Variants in IRF4 observed in about 807,000 individuals in gnomAD.
IRF4 encodes the protein lymphocyte-specific interferon regulatory factor.
IRF4 carries 13 observed loss-of-function variants against 55.5 expected under a neutral mutation model. The ratio of observed to expected loss-of-function variants is 0.23; its 90% CI spans 0.15 to 0.37. The LOEUF is 0.37. Among genes scored for constraint, IRF4 ranks in the 10% least tolerant of loss-of-function variants. IRF4 has a pLI of 1.00. For synonymous variants in IRF4, 249 were observed against 240.7 expected, an observed-to-expected ratio of 1.03 and a Z score of -0.32; for missense variants, 397 against 593.8, an observed-to-expected ratio of 0.67 and a Z score of 3.44.
In IRF4 at chr6:409,564, T is replaced by C. The variant is rs1382598286; in HGVS notation, c.*1966T>C. The stretch of plus-strand genomic sequence containing the variant: ...CTTGCTGTGGAGCTCCACTGCCATG[T>C]ACCCAGTAGGGTTTGACATTTCATT... On this transcript the variant is annotated 3_prime_UTR_variant, in exon 9 of 9. Coordinates refer to ENST00000380956, the MANE Select transcript of IRF4 (RefSeq NM_002460.4). 4.5e-6 allele frequency: 1 copy of C among 220,184 alleles called. No individual in the cohort carries two copies. The highest frequency in any genetic ancestry group is 9.1e-6 in the Non-Finnish European group (1 of 109,578). 13.6% of individuals were successfully genotyped at this position (220,184 alleles called of 1,614,324 possible).
At chr6:394,652 AGGCT>A (rs1366680181) in intron 2 of IRF4, among the ~76,000 whole-genome samples, 165 bp from the exon 3 acceptor site, 1 of 152,212 alleles carries the variant, frequency 6.6e-6, no homozygotes, top group Admixed American at 6.5e-5. Flanking sequence ...GCTACTCTAG[AGGCT>A]GAGATAGGAG....
chr6:394,419 G>C (rs1761203101), intron 2 of IRF4, among the ~76,000 whole-genome samples: 1 of 152,234 alleles, frequency 6.6e-6, no homozygotes, highest in South Asian at 2.1e-4. Flanking sequence ...AAATCTGAAG[G>C]ACCTATGCGC....
Position 393,144 on chromosome 6 carries a change from A to T in IRF4, c.-9A>T. The T allele has an allele frequency of 1.3e-6, 2 of 1,546,826 alleles. No homozygotes were observed. Among genetic ancestry groups the T allele is most frequent in the Non-Finnish European group, 1.7e-6 (2 of 1,145,128 alleles). On this transcript the variant is annotated 5_prime_UTR_variant, in exon 2 of 9. Coordinates refer to ENST00000380956, the MANE Select transcript of IRF4 (RefSeq NM_002460.4). This position sits in a 1 kb window ranked among gnomAD's most constrained non-coding sequence, Gnocchi z 5.4. ...GACCCCGGGCGCGGGCGCGGACGGC[A>T]CGCGGGGCATGAACCTGGAGGGCGG...
In IRF4 at chr6:410,860, G is replaced by A. The variant is rs954635110; in HGVS notation, c.*3262G>A. 1 of 232,328 alleles carries A rather than the reference G, an allele frequency of 4.3e-6. No homozygotes were observed. Among genetic ancestry groups the A allele is most frequent in the African/African-American group, 2.2e-5 (1 of 45,264 alleles). The allele number at this position is 232,328 out of a possible 1,614,324, so 14.4% of individuals were successfully genotyped here. A position where few individuals can be genotyped will look rare whatever the true frequency, so the allele number is the denominator to read the frequency against. ...TGTGGCCAGCTGCATCTGTCTGAATGGTGCGTGAAGGCTCTCAGACCTTAC... is the reference window on the plus strand; with the variant it reads ...TGTGGCCAGCTGCATCTGTCTGAATAGTGCGTGAAGGCTCTCAGACCTTAC... On this transcript the variant is annotated 3_prime_UTR_variant, in exon 9 of 9. Coordinates refer to ENST00000380956, the MANE Select transcript of IRF4 (RefSeq NM_002460.4).
chr6:410,758 C>G lies in IRF4; in HGVS notation c.*3160C>G, dbSNP rs1414385547. The G allele has an allele frequency of 4.3e-6, 1 of 231,864 alleles. No individual in the cohort carries two copies. The allele number at this position is 231,864 out of a possible 1,614,324, so 14.4% of individuals were successfully genotyped here. On this transcript the variant is annotated 3_prime_UTR_variant, in exon 9 of 9. Transcript: ENST00000380956. ...TCTCCAGTCACATGCCCCCACTTCC[C>G]CACAGGTGAAAGTTTTTCTGAAAGT...
At chr6:403,799 A>G (rs3778607) in intron 7 of IRF4, among the ~76,000 whole-genome samples, 64,994 of 152,016 alleles carry the variant, frequency 0.43, 15,088 homozygotes, top group Non-Finnish European at 0.52. Flanking sequence ...GATTCCCACC[A>G]AACACTCTCA....
intron 7 of IRF4, among the ~76,000 whole-genome samples, chr6:403,564 G>T (rs1302052513): frequency 6.6e-6 from 1 of 152,202 alleles, no homozygotes; most frequent in East Asian, 1.9e-4. Context: ...GCACAGGCAG[G>T]GGGTGGACGC....
rs1343907006 is a variant in IRF4, at chr6:393,204, A to G, written c.52A>G (p.Ser18Gly). ...CGGAGAGTTCGGCATGAGCGCGGTGAGCTGCGGCAACGGGAAGCTCCGCCA... is the reference window on the plus strand; with the variant it reads ...CGGAGAGTTCGGCATGAGCGCGGTGGGCTGCGGCAACGGGAAGCTCCGCCA... ...RGGEFGMSAVSCGNGKLRQWL... is the reference protein window; with the variant it reads ...RGGEFGMSAVGCGNGKLRQWL... Residue 18 changes from serine (S) to glycine (G), a missense_variant, in exon 2 of 9, where the codon AGC (serine) becomes GGC (glycine). Physicochemically the swap from Ser to Gly is moderately conservative, Grantham distance 56 (BLOSUM62 0). Coordinates refer to ENST00000380956, the MANE Select transcript of IRF4 (RefSeq NM_002460.4). The surrounding 1 kb of genome is among the most constrained non-coding windows in gnomAD (Gnocchi z 5.4). The G allele has an allele frequency of 4.5e-6, 7 of 1,558,616 alleles. No individual in the cohort carries two copies. Among genetic ancestry groups the G allele is most frequent in the Non-Finnish European group, 6.1e-6 (7 of 1,151,194 alleles).
chr6:398,198 G>A (rs909820449), intron 5 of IRF4, among the ~76,000 whole-genome samples: 1 of 152,196 alleles, frequency 6.6e-6, no homozygotes, highest in Admixed American at 6.5e-5. Flanking sequence ...TACTGCTCTG[G>A]CTCTATGGAA....
At chr6:404,495 G>A (rs550931495) in intron 7 of IRF4, among the ~76,000 whole-genome samples, 7 of 152,356 alleles carry the variant, frequency 4.6e-5, no homozygotes, top group African/African-American at 9.6e-5. Flanking sequence ...CAGTCACCAC[G>A]TTGACGTTAC....
chr6:408,701 TTG>T lies in IRF4; in HGVS notation c.*1105_*1106del. On this transcript the variant is annotated 3_prime_UTR_variant, in exon 9 of 9. Transcript: ENST00000380956. ...CTTCCTCTGTGCCACGCTCCTCTGT[TTG>T]TTTGGCTGTCCAGCGATCAGCCATG... 1 of 230,374 alleles carries T rather than the reference TTG, an allele frequency of 4.3e-6. No individual in the cohort carries two copies. Among genetic ancestry groups the T allele is most frequent in the East Asian group, 6.1e-5 (1 of 16,400 alleles). The allele number at this position is 230,374 out of a possible 1,614,324, so 14.3% of individuals were successfully genotyped here.
At position 409,279 on chromosome 6, in the gene IRF4, AATTAAT is replaced by A. The variant is rs1283656576; in HGVS notation, c.*1693_*1698del. The A allele has an allele frequency of 3.5e-4, 67 of 191,424 alleles. No individual in the cohort carries two copies. Among genetic ancestry groups the A allele is most frequent in the African/African-American group, 1.4e-3 (60 of 43,062 alleles). 11.9% of individuals were successfully genotyped at this position (191,424 alleles called of 1,614,324 possible). On this transcript the variant is annotated 3_prime_UTR_variant, in exon 9 of 9. Coordinates refer to ENST00000380956, the MANE Select transcript of IRF4 (RefSeq NM_002460.4). ...AATATTAAAGTCAGAATATTAATAC[AATTAAT>A]ATTAATATTAACTACAGAAAAGACA...
Position 393,128 on chromosome 6 carries a change from C to A in IRF4, c.-25C>A. The A allele has an allele frequency of 6.5e-7, 1 of 1,543,558 alleles. No homozygotes were observed. The highest frequency in any genetic ancestry group is 8.7e-7 in the Non-Finnish European group (1 of 1,143,090). ...AGCAGAGCGGGCGGAGGACCCCGGGCGCGGGCGCGGACGGCACGCGGGGCA... is the reference window on the plus strand; with the variant it reads ...AGCAGAGCGGGCGGAGGACCCCGGGAGCGGGCGCGGACGGCACGCGGGGCA... On this transcript the variant is annotated 5_prime_UTR_variant, in exon 2 of 9. Transcript: ENST00000380956. The surrounding 1 kb of genome is among the most constrained non-coding windows in gnomAD (Gnocchi z 5.4).
chr6:393,564 C>T lies in IRF4; in HGVS notation c.216+196C>T, dbSNP rs1761178000. 6.6e-6 allele frequency among the ~76,000 whole-genome samples: 1 copy of T among 152,012 alleles called. No individual in the cohort carries two copies. The highest frequency in any genetic ancestry group is 2.4e-5 in the African/African-American group (1 of 41,394). Reference sequence around the variant, plus strand: ...TCGGCTCTCAGCGGGACCGCGGGGGCCGGGAGCCGGGTCCTGGGCGCGTGG... The same window carrying T: ...TCGGCTCTCAGCGGGACCGCGGGGGTCGGGAGCCGGGTCCTGGGCGCGTGG... On this transcript the variant is annotated intron_variant, in intron 2 of 8. Coordinates refer to ENST00000380956, the MANE Select transcript of IRF4 (RefSeq NM_002460.4). The surrounding 1 kb of genome is among the most constrained non-coding windows in gnomAD (Gnocchi z 5.4).
chr6:396,115 G>A (rs778127044), intron 4 of IRF4, 180 bp downstream of exon 4: 4 of 580,398 alleles, frequency 6.9e-6, no homozygotes, highest in Non-Finnish European at 1.2e-5. Flanking sequence ...TGCTGCCATT[G>A]GTGTGGATTT....
chr6:399,898 G>C (rs372907179), intron 6 of IRF4, among the ~76,000 whole-genome samples: 80 of 152,318 alleles, frequency 5.3e-4, no homozygotes, highest in African/African-American at 1.8e-3. Flanking sequence ...CTTCTGAGCA[G>C]GAAGGCTTGT....
At chr6:407,267 T>G (rs916202873) in intron 8 of IRF4, among the ~76,000 whole-genome samples, 188 bp from the exon 9 acceptor site, 2 of 152,230 alleles carry the variant, frequency 1.3e-5, no homozygotes, top group African/African-American at 4.8e-5. Context: ...TTTTTTTACA[T>G]GTTGATCTAT....
Position 407,742 on chromosome 6 carries a change from G to T in IRF4, c.*144G>T. 1 of 724,446 alleles carries T rather than the reference G, an allele frequency of 1.4e-6. No individual in the cohort carries two copies. Among genetic ancestry groups the T allele is most frequent in the South Asian group, 1.9e-5 (1 of 52,958 alleles). 44.9% of individuals were successfully genotyped at this position (724,446 alleles called of 1,614,324 possible). A position where few individuals can be genotyped will look rare whatever the true frequency, so the allele number is the denominator to read the frequency against. ...TGACCTCCGCCTCCTGGGTTCAAGAGACTCTCCTGCCTCAGCCTCCCTGGT... is the reference window on the plus strand; with the variant it reads ...TGACCTCCGCCTCCTGGGTTCAAGATACTCTCCTGCCTCAGCCTCCCTGGT... On this transcript the variant is annotated 3_prime_UTR_variant, in exon 9 of 9. Coordinates refer to ENST00000380956, the MANE Select transcript of IRF4 (RefSeq NM_002460.4).
Position 407,786 on chromosome 6 carries a change from G to C in IRF4, c.*188G>C. On this transcript the variant is annotated 3_prime_UTR_variant, in exon 9 of 9. Coordinates refer to ENST00000380956, the MANE Select transcript of IRF4 (RefSeq NM_002460.4). ...CCCTGGTAGCTGGGATTACAGGTGT[G>C]AGCCACTGCACCCACCCAAGACAAG... 1 of 585,242 alleles carries C rather than the reference G, an allele frequency of 1.7e-6. No homozygotes were observed. The highest frequency in any genetic ancestry group is 3.4e-5 in the Admixed American group (1 of 28,998). The allele number at this position is 585,242 out of a possible 1,614,324, so 36.3% of individuals were successfully genotyped here.
Sources: allele counts gnomAD v4.1 joint callset (sites outside exome capture counted in the v4.1 genomes callset), GRCh38; gene constraint gnomAD v4.1.1; non-coding constraint Gnocchi (gnomAD v3.1); transcripts MANE v1.5; gene names NCBI Gene and HGNC (gene_info 2026-07-23, HGNC 2026-07-21).